The following STK10 variants were observed in gnomAD, a reference collection of about 807,000 sequenced individuals.
STK10 encodes the protein serine/threonine kinase 10.
Under a neutral mutation model 113.8 loss-of-function variants are expected in STK10, and 78 were observed. The observed-to-expected ratio is 0.69, with a 90% CI of 0.57 to 0.83. The LOEUF (loss-of-function observed/expected upper bound fraction) is 0.83, where lower values mean the gene tolerates loss of function less well. Ranked by LOEUF, STK10 falls within the 40% of genes least tolerant of loss-of-function variation. The probability of loss-of-function intolerance (pLI) is 0.00; values close to 1 mark genes in which losing one functional copy is unlikely to be tolerated. For missense variants in STK10, 1,109 were observed against 1,280.1 expected (o/e 0.87, Z 2.04); for synonymous variants, 465 against 494.7 (o/e 0.94, Z 0.80).
chr5:172,122,922 C>G (rs1769546246), intron 3 of STK10, among the ~76,000 whole-genome samples: 1 of 152,206 alleles, frequency 6.6e-6, no homozygotes, highest in Non-Finnish European at 1.5e-5. Context: ...CGCGCCCGGC[C>G]AAGACCCAAG....
At chr5:172,045,126 C>G in intron 18 of STK10, 104 bp from the exon 19 acceptor site, 1 of 1,490,940 alleles carries the variant, frequency 6.7e-7, no homozygotes, top group Non-Finnish European at 9.1e-7. Flanking sequence ...TGGAACATTC[C>G]CTTCCAGGCC....
At chr5:172,178,126 C>G (rs768084602) in intron 1 of STK10, among the ~76,000 whole-genome samples, 2 of 152,216 alleles carry the variant, frequency 1.3e-5, no homozygotes, top group Non-Finnish European at 2.9e-5. Context: ...CCGCGCCCAG[C>G]CCAGGATCAA....
rs1768788550 is a variant in STK10, at chr5:172,093,963, A to G, written c.1006-3T>C. 1 of 1,468,822 alleles carries G rather than the reference A, an allele frequency of 6.8e-7. No homozygotes were observed. Among genetic ancestry groups the G allele is most frequent in the East Asian group, 2.3e-5 (1 of 42,656 alleles). The allele number at this position is 1,468,822 out of a possible 1,614,324, so 91.0% of individuals were successfully genotyped here. A position where few individuals can be genotyped will look rare whatever the true frequency, so the allele number is the denominator to read the frequency against. On this transcript the variant is annotated splice_polypyrimidine_tract_variant and splice_region_variant and intron_variant, in intron 8 of 18. Transcript: ENST00000176763. This position sits in a 1 kb window ranked among gnomAD's most constrained non-coding sequence, Gnocchi z 4.1. ...TTCTGAGTATGGTTCTCCAGGGTCT[A>G]GAAAAATATATATATATATATTAAA...
intron 10 of STK10, among the ~76,000 whole-genome samples, chr5:172,084,171 G>A (rs1768499494): frequency 6.6e-6 from 1 of 151,980 alleles, no homozygotes; most frequent in Non-Finnish European, 1.5e-5. Flanking sequence ...GGAGGCCGAG[G>A]AGGGTGGATC....
At chr5:172,153,285 TCAAA>T (rs1205251159) in intron 2 of STK10, among the ~76,000 whole-genome samples, 1 of 102,442 alleles carries the variant, frequency 9.8e-6, no homozygotes, top group African/African-American at 4.2e-5. Context: ...AAACTCCATC[TCAAA>T]AAGAAAGAAA....
chr5:172,078,163 A>T (rs1221919111), intron 12 of STK10, among the ~76,000 whole-genome samples: 1 of 152,202 alleles, frequency 6.6e-6, no homozygotes, highest in Non-Finnish European at 1.5e-5. Context: ...AGGAGTTCTT[A>T]GGAGTGTGGA....
Position 172,187,414 on chromosome 5 carries a change from C to G in STK10, c.156+473G>C, listed in dbSNP as rs1770970573. On this transcript the variant is annotated intron_variant, in intron 1 of 18. Transcript: ENST00000176763. This position sits in a 1 kb window ranked among gnomAD's most constrained non-coding sequence, Gnocchi z 4.6. ...CTCTGGCTCATCTTCAGATGTGTCC[C>G]TAGCTCCCAACCCGTCCAAGCGCAG... 6.6e-6 allele frequency among the ~76,000 whole-genome samples: 1 copy of G among 152,168 alleles called. No homozygotes were observed. Among genetic ancestry groups the G allele is most frequent in the African/African-American group, 2.4e-5 (1 of 41,426 alleles).
chr5:172,129,906 C>T (rs1233971410), intron 2 of STK10, among the ~76,000 whole-genome samples: 2 of 152,198 alleles, frequency 1.3e-5, no homozygotes, highest in Non-Finnish European at 2.9e-5. Context: ...TGCCTGGCCC[C>T]AGGTCGGGAC....
chr5:172,105,590 C>T (rs1769082587), intron 7 of STK10, 66 bp downstream of exon 7: 2 of 1,548,874 alleles, frequency 1.3e-6, no homozygotes, highest in East Asian at 2.2e-5. Flanking sequence ...GCCCAGCGTC[C>T]AGGTCACTGG....
chr5:172,132,997 G>A (rs1297276014), intron 2 of STK10, among the ~76,000 whole-genome samples: 1 of 152,188 alleles, frequency 6.6e-6, no homozygotes. Context: ...TTTGAAGGGT[G>A]AATTTACCAC....
At chr5:172,103,072 G>GAGA (rs1408672641) in intron 7 of STK10, among the ~76,000 whole-genome samples, 1 of 152,226 alleles carries the variant, frequency 6.6e-6, no homozygotes, top group African/African-American at 2.4e-5. Context: ...GGGACACAGG[G>GAGA]AGACGTGAGA....
At chr5:172,106,915 G>T in intron 5 of STK10, 101 bp from the exon 6 acceptor site, 1 of 1,217,094 alleles carries the variant, frequency 8.2e-7, no homozygotes, top group Non-Finnish European at 1.1e-6. Context: ...TGTCGGGGTT[G>T]GCAGCACTCC....
intron 1 of STK10, among the ~76,000 whole-genome samples, chr5:172,167,994 C>T (rs972502063): frequency 2.6e-5 from 4 of 152,218 alleles, no homozygotes; most frequent in Admixed American, 1.3e-4. Context: ...TCATTTGCTA[C>T]GGAAGTCTCC....
Position 172,107,791 on chromosome 5 carries a change from G to A in STK10, c.582C>T (p.Gly194=), listed in dbSNP as rs368629083. ...GCTACACGACTCACCAGTAAGGCGT[G>A]CCGATGAAGGAATCTCGTTTCTGTA... ...KTLQKRDSFI[G]TPYWMAPEVV... Residue 194 remains glycine, a synonymous_variant, in exon 5 of 19, where the codon GGC becomes GGT. Transcript: ENST00000176763. The A allele has an allele frequency of 4.0e-5, 65 of 1,614,114 alleles. No homozygotes were observed. The South Asian group carries it at 4.9e-4, about 12-fold the overall frequency.
At chr5:172,124,215 C>T (rs888294638) in intron 3 of STK10, among the ~76,000 whole-genome samples, 3 of 152,132 alleles carry the variant, frequency 2.0e-5, no homozygotes, top group Non-Finnish European at 4.4e-5. Context: ...AGGCTTGAGC[C>T]GCTGCACTCC....
chr5:172,114,473 A>T (rs7717736), intron 4 of STK10: 655 of 47,658 alleles, frequency 0.014, 74 homozygotes, highest in African/African-American at 0.05. Context: ...ATATATATAT[A>T]TTTTTTTTTT....
At chr5:172,075,351 G>A (rs868797462) in intron 12 of STK10, among the ~76,000 whole-genome samples, 11 of 151,950 alleles carry the variant, frequency 7.2e-5, no homozygotes, top group African/African-American at 2.4e-4. Context: ...TTAAATAAAC[G>A]GCCAAAGATC....
At chr5:172,087,107 AGTGTGTGTGT>A (rs201052929) in intron 10 of STK10, among the ~76,000 whole-genome samples, 4,247 of 128,928 alleles carry the variant, frequency 0.033, 217 homozygotes, top group African/African-American at 0.12. Flanking sequence ...AGATGACACC[AGTGTGTGTGT>A]GTGTGTGTGT....
intron 2 of STK10, 90 bp from the exon 3 acceptor site, chr5:172,127,511 C>T (rs989935194): frequency 2.9e-6 from 4 of 1,403,102 alleles, no homozygotes; most frequent in East Asian, 2.3e-5. Context: ...AGGGTCCACC[C>T]ATGCCCAATG....
Sources: allele counts gnomAD v4.1 joint callset (sites outside exome capture counted in the v4.1 genomes callset), GRCh38; gene constraint gnomAD v4.1.1; non-coding constraint Gnocchi (gnomAD v3.1); transcripts MANE v1.5; gene names NCBI Gene and HGNC (gene_info 2026-07-23, HGNC 2026-07-21).